The following CTNNA2 variants were observed in gnomAD, a reference collection of about 807,000 sequenced individuals.
CTNNA2 encodes catenin alpha 2, also known as catenin alpha-2.
A neutral mutation model predicts 101.0 loss-of-function variants in CTNNA2; 42 were observed. The ratio of observed to expected loss-of-function variants is 0.42; its 90% CI spans 0.32 to 0.54. The LOEUF (loss-of-function observed/expected upper bound fraction) is 0.54, where lower values mean the gene tolerates loss of function less well. Among genes scored for constraint, CTNNA2 ranks in the 20% least tolerant of loss-of-function variants. The pLI is 0.14. For missense variants in CTNNA2, 871 were observed against 1,223.1 expected, an observed-to-expected ratio of 0.71 and a Z score of 4.29; for synonymous variants, 450 against 456.4, an observed-to-expected ratio of 0.99 and a Z score of 0.18.
chr2:79,262,259 AT>A (rs1674932509), intron 2 of CTNNA2, among the ~76,000 whole-genome samples: 1 of 152,216 alleles, frequency 6.6e-6, no homozygotes, highest in South Asian at 2.1e-4. Flanking sequence ...AGGCATGGTT[AT>A]GCCATGAAAA....
At chr2:80,031,922 A>G (rs923188831) in intron 7 of CTNNA2, among the ~76,000 whole-genome samples, 2 of 152,248 alleles carry the variant, frequency 1.3e-5, no homozygotes, top group African/African-American at 4.8e-5. Context: ...GTGATAATGG[A>G]ATGTAAAAAA....
chr2:79,457,771 T>C (rs1391080157), intron 4 of CTNNA2, among the ~76,000 whole-genome samples: 3 of 152,192 alleles, frequency 2.0e-5, no homozygotes, highest in African/African-American at 7.2e-5. Flanking sequence ...GAAGGGAGAA[T>C]TGACAATGTT....
chr2:80,059,562 T>C (rs186290685), intron 7 of CTNNA2, among the ~76,000 whole-genome samples: 110 of 152,354 alleles, frequency 7.2e-4, no homozygotes, highest in African/African-American at 2.5e-3. Context: ...ACTAGCACAC[T>C]GTTAGGATAG....
chr2:79,414,688 TCTC>T lies in CTNNA2; in HGVS notation c.-135+40679_-135+40681del, dbSNP rs777812195. On this transcript the variant is annotated intron_variant, in intron 4 of 21. Transcript: ENST00000466387. Reference sequence around the variant, plus strand: ...ATCTGGGCCAGAATCCACAAGGTCTTCTCCTCTCATCCTCTTGAACCCCTATAA... The same window carrying T: ...ATCTGGGCCAGAATCCACAAGGTCTTCTCTCATCCTCTTGAACCCCTATAA... Among the ~76,000 whole-genome samples the T allele has an allele frequency of 3.9e-5, 6 of 152,164 alleles. No individual in the cohort carries two copies. In the East Asian group the frequency reaches 9.7e-4, roughly 25 times the overall value.
intron 7 of CTNNA2, among the ~76,000 whole-genome samples, chr2:80,391,953 G>C (rs998282817): frequency 6.6e-6 from 1 of 152,160 alleles, no homozygotes; most frequent in Non-Finnish European, 1.5e-5. Context: ...CATATGCCTT[G>C]GTTTGGGCTT....
intron 3 of CTNNA2, among the ~76,000 whole-genome samples, chr2:79,756,985 T>C (rs1362697005): frequency 6.6e-6 from 1 of 152,228 alleles, no homozygotes; most frequent in Non-Finnish European, 1.5e-5. Context: ...TATAGCCACT[T>C]TGAAGGACAG....
At chr2:80,021,718 T>TA (rs1694577457) in intron 7 of CTNNA2, among the ~76,000 whole-genome samples, 1 of 152,166 alleles carries the variant, frequency 6.6e-6, no homozygotes, top group African/African-American at 2.4e-5. Flanking sequence ...ACTTATCATT[T>TA]TTTTTTGTGG....
At chr2:80,325,293 A>G (rs1358811824) in intron 7 of CTNNA2, among the ~76,000 whole-genome samples, 1 of 152,150 alleles carries the variant, frequency 6.6e-6, no homozygotes, top group Non-Finnish European at 1.5e-5. Context: ...TGCAGGATTT[A>G]TAGCTATGGA....
chr2:79,495,905 A>G (rs896126615), intron 4 of CTNNA2, among the ~76,000 whole-genome samples: 1 of 152,142 alleles, frequency 6.6e-6, no homozygotes, highest in African/African-American at 2.4e-5. Context: ...GACATGTCCA[A>G]AATTGGCAAC....
At chr2:80,419,198 G>A (rs1400518086) in intron 8 of CTNNA2, among the ~76,000 whole-genome samples, 1 of 152,296 alleles carries the variant, frequency 6.6e-6, no homozygotes, top group African/African-American at 2.4e-5. Flanking sequence ...TTTGATGGGA[G>A]AGGACCCATA....
intron 9 of CTNNA2, among the ~76,000 whole-genome samples, chr2:80,487,868 C>G (rs1294320045): frequency 1.3e-5 from 2 of 152,214 alleles, no homozygotes; most frequent in African/African-American, 4.8e-5. Context: ...CCCTGTATAA[C>G]AGACACAAAT....
chr2:80,631,460 C>T (rs1447930482), intron 18 of CTNNA2, among the ~76,000 whole-genome samples: 1 of 151,236 alleles, frequency 6.6e-6, no homozygotes, highest in Non-Finnish European at 1.5e-5. Flanking sequence ...TTGTATAACT[C>T]AGCCTCGTTG....
intron 7 of CTNNA2, among the ~76,000 whole-genome samples, chr2:80,140,637 G>A (rs1237849444): frequency 6.6e-6 from 1 of 152,104 alleles, no homozygotes; most frequent in Non-Finnish European, 1.5e-5. Flanking sequence ...GAAAAACCTT[G>A]TAGTTCATTT....
chr2:79,330,868 G>T lies in CTNNA2; in HGVS notation c.-318+18072G>T, dbSNP rs189302325. Among the ~76,000 whole-genome samples, 601 of 152,250 alleles carry T rather than the reference G, an allele frequency of 3.9e-3. 6 individuals carry two copies. Among genetic ancestry groups the T allele is most frequent in the African/African-American group, 0.014 (583 of 41,544 alleles). Reference sequence around the variant, plus strand: ...ACCTCTTTCCTTTATAAATTACCCAGTCTCAGGTATGTCTTTATTAACATT... The same window carrying T: ...ACCTCTTTCCTTTATAAATTACCCATTCTCAGGTATGTCTTTATTAACATT... On this transcript the variant is annotated intron_variant, in intron 3 of 21. Coordinates refer to the CTNNA2 transcript ENST00000466387.
At chr2:79,258,796 AG>A (rs1674881589) in intron 2 of CTNNA2, among the ~76,000 whole-genome samples, 1 of 139,644 alleles carries the variant, frequency 7.2e-6, no homozygotes, top group Admixed American at 7.7e-5. Context: ...CTAGGCCTAC[AG>A]GGAGGAGGGT....
chr2:80,192,720 G>A (rs1192278854), intron 7 of CTNNA2, among the ~76,000 whole-genome samples: 1 of 152,012 alleles, frequency 6.6e-6, no homozygotes, highest in Admixed American at 6.6e-5. Context: ...TCGCCACATT[G>A]GCCAGGCTGG....
chr2:79,372,008 T>G (rs6547232), intron 3 of CTNNA2, among the ~76,000 whole-genome samples: 127,486 of 152,146 alleles, frequency 0.84, 53,897 homozygotes, highest in African/African-American at 0.94. Flanking sequence ...CTGAAAACTC[T>G]AAAACAGCCA....
At chr2:80,195,769 A>G (rs1296167133) in intron 7 of CTNNA2, among the ~76,000 whole-genome samples, 2 of 152,162 alleles carry the variant, frequency 1.3e-5, no homozygotes, top group African/African-American at 4.8e-5. Context: ...GACATTGCTC[A>G]TTATCTTGCT....
chr2:80,305,345 CTT>C (rs2149215199), intron 7 of CTNNA2: 1 of 985,340 alleles, frequency 1.0e-6, no homozygotes, highest in African/African-American at 1.7e-5. Flanking sequence ...TGCAGGGAGA[CTT>C]GACTGAGATC....
Sources: allele counts gnomAD v4.1 joint callset (sites outside exome capture counted in the v4.1 genomes callset), GRCh38; gene constraint gnomAD v4.1.1; transcripts MANE v1.5; gene names NCBI Gene and HGNC (gene_info 2026-07-23, HGNC 2026-07-21).